The following KRT73 variants were observed in gnomAD, a reference collection of about 807,000 sequenced individuals.
KRT73 encodes keratin, type II cytoskeletal 73.
A neutral mutation model predicts 47.2 loss-of-function variants in KRT73; 44 were observed. The observed-to-expected ratio is 0.93, with a 90% CI of 0.73 to 1.20. The LOEUF (loss-of-function observed/expected upper bound fraction) is 1.20. Among genes scored for constraint, KRT73 ranks in the 50% most tolerant of loss-of-function variants. The pLI is 0.00. For missense variants in KRT73, 713 were observed against 704.5 expected (o/e 1.01, Z -0.14); for synonymous variants, 285 against 291.3 (o/e 0.98, Z 0.22).
the KRT73 span, among the ~76,000 whole-genome samples, chr12:52,624,816 A>G: frequency 5.5e-5 from 3 of 54,688 alleles, no homozygotes; most frequent in Admixed American, 1.3e-4. Flanking sequence ...GCGACAACAA[A>G]ACAAAAAAAA....
intron 7 of KRT73, among the ~76,000 whole-genome samples, chr12:52,609,572 T>C (rs1454127198): frequency 6.6e-6 from 1 of 152,242 alleles, no homozygotes; most frequent in Non-Finnish European, 1.5e-5. Flanking sequence ...TCTTTACTAC[T>C]GTGAGCAGCT....
upstream of KRT73, among the ~76,000 whole-genome samples, chr12:52,623,142 C>G (rs1373595446): frequency 1.3e-5 from 2 of 152,168 alleles, no homozygotes; most frequent in African/African-American, 2.4e-5. Context: ...GCTGAGCAAA[C>G]CCTAAACAGA....
At chr12:52,618,643 G>A, upstream of KRT73, 2 of 1,093,254 alleles carry the variant, frequency 1.8e-6, no homozygotes, top group Admixed American at 2.9e-5. Flanking sequence ...GGCCTAATTT[G>A]TGGGTTCAGT....
chr12:52,610,961 TC>T, intron 6 of KRT73, 126 bp from the exon 7 acceptor site: 1 of 941,412 alleles, frequency 1.1e-6, no homozygotes. Context: ...CCCAGCCACA[TC>T]CAGGTGGAGT....
chr12:52,615,542 G>A (rs1459754430), intron 2 of KRT73, among the ~76,000 whole-genome samples: 3 of 152,158 alleles, frequency 2.0e-5, no homozygotes, highest in African/African-American at 4.8e-5. Context: ...CCTGAGCCTG[G>A]GTGGTTTGAG....
At chr12:52,617,881 G>A (rs1266892449) in intron 1 of KRT73, among the ~76,000 whole-genome samples, 197 bp downstream of exon 1, 1 of 152,202 alleles carries the variant, frequency 6.6e-6, no homozygotes, top group Non-Finnish European at 1.5e-5. Flanking sequence ...GCGGGGGAAG[G>A]AAGGGGCTCT....
chr12:52,620,773 T>C (rs1022788133), upstream of KRT73, among the ~76,000 whole-genome samples: 1 of 152,178 alleles, frequency 6.6e-6, no homozygotes, highest in Admixed American at 6.5e-5. Context: ...CTGATCACTT[T>C]CCTAATCCAA....
intron 7 of KRT73, chr12:52,610,282 G>A (rs911140662): frequency 3.1e-6 from 1 of 320,436 alleles, no homozygotes; most frequent in Non-Finnish European, 6.0e-6. Context: ...CTCCAATGTT[G>A]GCCAGGCTGG....
chr12:52,610,944 G>A (rs1409192591), intron 6 of KRT73, 109 bp from the exon 7 acceptor site: 15 of 1,043,734 alleles, frequency 1.4e-5, no homozygotes, highest in South Asian at 9.2e-5. Context: ...ATGTCCTGGA[G>A]CAGAGACCCA....
At chr12:52,610,892 C>A in intron 6 of KRT73, 57 bp from the exon 7 acceptor site, 19 of 1,411,560 alleles carry the variant, frequency 1.3e-5, no homozygotes, top group Non-Finnish European at 1.9e-5. Flanking sequence ...CGCTTCACCT[C>A]TCCCATGCTC....
Position 52,613,768 on chromosome 12 carries a change from T to C in KRT73, c.904A>G (p.Ile302Val), listed in dbSNP as rs745975882. ...TACTGGGCACGGACCTCAGCAATGA[T>C]GCTGTCCAGGTCCAGGTTCCGGTTG... ...DNNRNLDLDS[I>V]IAEVRAQYEE... is the part of the protein sequence containing the mutation. The change falls in exon 5 of 9, where the codon ATC becomes GTC. Residue 302 changes from isoleucine (I) to valine (V), a missense_variant. By Grantham distance (29) the Ile-to-Val change is conservative (BLOSUM62 3). Coordinates refer to ENST00000305748, the MANE Select transcript of KRT73 (RefSeq NM_175068.3). The C allele has an allele frequency of 1.2e-6, 2 of 1,614,210 alleles. No individual in the cohort carries two copies. The highest frequency in any genetic ancestry group is 1.1e-5 in the South Asian group (1 of 91,076).
At chr12:52,611,502 GC>G (rs1160186279) in intron 5 of KRT73, 173 bp from the exon 6 acceptor site, 1 of 692,918 alleles carries the variant, frequency 1.4e-6, no homozygotes, top group Non-Finnish European at 2.4e-6. Context: ...GCATTTGCTT[GC>G]CTTAAGCACA....
chr12:52,617,624 A>G (rs1940838889), intron 1 of KRT73, among the ~76,000 whole-genome samples: 2 of 152,158 alleles, frequency 1.3e-5, no homozygotes, highest in African/African-American at 4.8e-5. Flanking sequence ...TGTCAAGGGC[A>G]TCTCCTTCGC....
chr12:52,608,634 G>A (rs924404215), intron 8 of KRT73, among the ~76,000 whole-genome samples, 182 bp from the exon 9 acceptor site: 6 of 152,198 alleles, frequency 3.9e-5, no homozygotes, highest in Non-Finnish European at 8.8e-5. Context: ...CCCCAGTCCT[G>A]CAAGACTCCC....
At chr12:52,609,871 A>G (rs1940657775) in intron 7 of KRT73, 1 of 153,396 alleles carries the variant, frequency 6.5e-6, no homozygotes, top group Non-Finnish European at 1.5e-5. Flanking sequence ...GGTAAATAGA[A>G]ACCAGTATTA....
rs1428070318 is a variant in KRT73 at position 52,618,433 on chromosome 12, G to A, written c.92C>T (p.Ser31Phe). The change falls in exon 1 of 9, where the codon TCC becomes TTC. Residue 31 changes from serine to phenylalanine, a missense_variant. Physicochemically the swap from Ser to Phe is radical, Grantham distance 155. Coordinates refer to ENST00000305748, the MANE Select transcript of KRT73 (RefSeq NM_175068.3). ...SAVLSGGSSS[S>F]YRAGGKGLSG... ...GAGCCCTTTGCCCCCTGCTCGGTAG[G>A]AGGATGAGCTGCCCCCTGAGAGCAC... 3 of 1,614,090 alleles carry A rather than the reference G, an allele frequency of 1.9e-6. No homozygotes were observed. Among genetic ancestry groups the A allele is most frequent in the Non-Finnish European group, 2.5e-6 (3 of 1,180,022 alleles).
At position 52,618,077 on chromosome 12, in the gene KRT73, C is replaced by T. The variant is rs763838696; in HGVS notation, c.447+1G>A. On this transcript the variant is annotated splice_donor_variant, in intron 1 of 8. Transcript: ENST00000305748. LOFTEE classifies it high-confidence loss of function. ...GATCAGCTTTCTCCAGAAAGACCCA[C>T]CTTGTCAATGAAGGAGGCGAACTTG... is the stretch of plus-strand genomic sequence containing the variant. The T allele has an allele frequency of 6.2e-7, 1 of 1,613,428 alleles. No individual in the cohort carries two copies. The highest frequency in any genetic ancestry group is 1.1e-5 in the South Asian group (1 of 90,922).
chr12:52,627,920 T>TGC, the KRT73 span, among the ~76,000 whole-genome samples: 77 of 152,202 alleles, frequency 5.1e-4, no homozygotes, highest in African/African-American at 1.7e-3. Context: ...TGTGTGTGTG[T>TGC]GCACATGTGC....
At chr12:52,623,856 A>C in the KRT73 span, among the ~76,000 whole-genome samples, 1 of 152,128 alleles carries the variant, frequency 6.6e-6, no homozygotes, top group Non-Finnish European at 1.5e-5. Context: ...TACATAAATC[A>C]AAATGGATTC....
Sources: allele counts gnomAD v4.1 joint callset (sites outside exome capture counted in the v4.1 genomes callset), GRCh38; gene constraint gnomAD v4.1.1; transcripts MANE v1.5; gene names NCBI Gene and HGNC (gene_info 2026-07-23, HGNC 2026-07-21).